Variants in MAML2 observed in about 807,000 individuals in gnomAD.
MAML2 encodes the protein mastermind-like protein 2.
A neutral mutation model predicts 96.1 loss-of-function variants in MAML2; 22 were observed. The ratio of observed to expected loss-of-function variants is 0.23; its 90% CI spans 0.16 to 0.33. MAML2 has a LOEUF of 0.33. MAML2 is among the 10% of genes least tolerant of loss of function. The pLI is 1.00. For synonymous variants in MAML2, 561 were observed against 521.3 expected, an observed-to-expected ratio of 1.08 and a Z score of -1.04; for missense variants, 1,367 against 1,392.4, an observed-to-expected ratio of 0.98 and a Z score of 0.29.
intron 1 of MAML2, among the ~76,000 whole-genome samples, chr11:96,231,128 T>C (rs1565256514): frequency 6.6e-6 from 1 of 152,212 alleles, no homozygotes. Context: ...AAAAATCATA[T>C]ATAGGGGGTT....
chr11:96,145,315 T>G (rs1157989803), intron 1 of MAML2, among the ~76,000 whole-genome samples: 1 of 152,224 alleles, frequency 6.6e-6, no homozygotes, highest in Non-Finnish European at 1.5e-5. Flanking sequence ...TACCAACTCG[T>G]GGACAGTAGT....
chr11:96,041,596 C>G (rs1858812174), intron 2 of MAML2, among the ~76,000 whole-genome samples: 1 of 152,114 alleles, frequency 6.6e-6, no homozygotes, highest in Non-Finnish European at 1.5e-5. Context: ...CTTGAAGAGT[C>G]TATGGAGGTG....
chr11:95,995,349 TCTC>T (rs1276900752), intron 2 of MAML2, among the ~76,000 whole-genome samples: 1 of 152,188 alleles, frequency 6.6e-6, no homozygotes, highest in Admixed American at 6.5e-5. Context: ...GCTTCTTTCT[TCTC>T]AGTTAGGGGC....
chr11:96,124,198 A>G (rs777492175), intron 1 of MAML2, among the ~76,000 whole-genome samples: 9 of 151,254 alleles, frequency 6.0e-5, no homozygotes, highest in Non-Finnish European at 1.0e-4. Context: ...TATTTCCTCT[A>G]GGTTCTGTTT....
chr11:96,051,891 C>T (rs1433062369), intron 2 of MAML2, among the ~76,000 whole-genome samples: 1 of 152,176 alleles, frequency 6.6e-6, no homozygotes, highest in Non-Finnish European at 1.5e-5. Context: ...GCTTCCTTGT[C>T]CAGTTCTGAA....
chr11:96,318,513 C>CA (rs537684747), intron 1 of MAML2, among the ~76,000 whole-genome samples: 2 of 151,986 alleles, frequency 1.3e-5, no homozygotes, highest in Non-Finnish European at 2.9e-5. Context: ...CAAAACAAAA[C>CA]AAAAAAACCC....
At chr11:96,340,472 C>A (rs1591141286) in intron 1 of MAML2, among the ~76,000 whole-genome samples, 1 of 152,206 alleles carries the variant, frequency 6.6e-6, no homozygotes, top group Non-Finnish European at 1.5e-5. Context: ...GTCACCTGAC[C>A]AGGACTGGCA....
At chr11:96,035,357 T>C (rs1475260966) in intron 2 of MAML2, among the ~76,000 whole-genome samples, 1 of 152,222 alleles carries the variant, frequency 6.6e-6, no homozygotes, top group African/African-American at 2.4e-5. Flanking sequence ...GTGTTTTAGG[T>C]ATGCCCATTA....
intron 1 of MAML2, among the ~76,000 whole-genome samples, chr11:96,173,718 C>T (rs1199040232): frequency 6.6e-6 from 1 of 152,194 alleles, no homozygotes; most frequent in African/African-American, 2.4e-5. Context: ...ACAGGGGCGT[C>T]GAGAAGGTAA....
chr11:96,322,054 T>C (rs966416976), intron 1 of MAML2, among the ~76,000 whole-genome samples: 1 of 152,150 alleles, frequency 6.6e-6, no homozygotes, highest in Non-Finnish European at 1.5e-5. Context: ...TCACAGCACA[T>C]GTTTACAACG....
chr11:96,155,509 A>AATATATATATATATATATATATATAT (rs56860340), intron 1 of MAML2, among the ~76,000 whole-genome samples: 8 of 74,844 alleles, frequency 1.1e-4, no homozygotes, highest in East Asian at 3.4e-4. Flanking sequence ...TAACAATTCA[A>AATATATATATATATATATATATATAT]ATATATATAT....
Position 95,978,804 on chromosome 11 carries a change from A to ATT in MAML2, c.*143_*144insAA. On this transcript the variant is annotated 3_prime_UTR_variant, in exon 5 of 5. Transcript: ENST00000524717. ...AAGAATTTGGACCAAAATGTTCATC[A>ATT]CTGCAGTTACTTTCTGCTTTCCATT... is the stretch of plus-strand genomic sequence containing the variant. The ATT allele has an allele frequency of 1.4e-6, 1 of 734,566 alleles. No individual in the cohort carries two copies. The highest frequency in any genetic ancestry group is 2.1e-6 in the Non-Finnish European group (1 of 466,348). The allele number at this position is 734,566 out of a possible 1,614,324, so 45.5% of individuals were successfully genotyped here.
intron 1 of MAML2, among the ~76,000 whole-genome samples, chr11:96,123,717 C>T (rs1436887537): frequency 6.6e-6 from 1 of 152,120 alleles, no homozygotes; most frequent in Admixed American, 6.5e-5. Context: ...CTTCTGTAAG[C>T]TGAGGAACAG....
intron 1 of MAML2, among the ~76,000 whole-genome samples, chr11:96,274,817 A>G (rs550643042): frequency 6.6e-6 from 1 of 152,336 alleles, no homozygotes; most frequent in Non-Finnish European, 1.5e-5. Context: ...TATTGCTAAA[A>G]GGTCTAAGAA....
intron 1 of MAML2, among the ~76,000 whole-genome samples, chr11:96,094,645 C>G (rs1040920588): frequency 6.6e-6 from 1 of 152,128 alleles, no homozygotes; most frequent in Non-Finnish European, 1.5e-5. Flanking sequence ...TATAAGCACA[C>G]TAATACATTA....
chr11:96,313,977 T>A (rs1323894154), intron 1 of MAML2, among the ~76,000 whole-genome samples: 3 of 152,238 alleles, frequency 2.0e-5, no homozygotes, highest in Non-Finnish European at 2.9e-5. Context: ...GTGAAGTAGC[T>A]TGAGTAGGAG....
At chr11:96,203,329 C>G (rs1414638749) in intron 1 of MAML2, among the ~76,000 whole-genome samples, 1 of 152,194 alleles carries the variant, frequency 6.6e-6, no homozygotes. Flanking sequence ...AATGATTTTT[C>G]AAATAATTGC....
intron 2 of MAML2, among the ~76,000 whole-genome samples, chr11:96,058,465 A>G (rs747487902): frequency 3.0e-4 from 45 of 152,076 alleles, no homozygotes; most frequent in Non-Finnish European, 5.9e-4. Flanking sequence ...GACTACGGGC[A>G]TGCGCCACCA....
chr11:96,181,786 CTGAGT>C (rs1861490883), intron 1 of MAML2, among the ~76,000 whole-genome samples: 1 of 151,560 alleles, frequency 6.6e-6, no homozygotes, highest in Admixed American at 6.6e-5. Flanking sequence ...ACTGAAGATA[CTGAGT>C]ATGCTTCACT....
Sources: gnomAD v4.1 joint callset for allele counts (sites outside exome capture counted in the v4.1 genomes callset) on GRCh38, gnomAD v4.1.1 for gene constraint, MANE v1.5 for transcripts, NCBI Gene and HGNC (gene_info 2026-07-23, HGNC 2026-07-21) for gene names.